Variants in NOSTRIN observed in about 807,000 individuals in gnomAD.
The protein encoded by NOSTRIN is nitric oxide synthase trafficking.
NOSTRIN carries 63 observed loss-of-function variants against 59.0 expected under a neutral mutation model. The observed-to-expected ratio is 1.07, with a 90% CI of 0.87 to 1.32. The LOEUF (loss-of-function observed/expected upper bound fraction) is 1.32, where lower values mean the gene tolerates loss of function less well. Among genes scored for constraint, NOSTRIN ranks in the 40% most tolerant of loss-of-function variants. NOSTRIN has a pLI of 0.00. For synonymous variants in NOSTRIN, 200 were observed against 165.4 expected (o/e 1.21, Z -1.61); for missense variants, 512 against 473.1 (o/e 1.08, Z -0.76).
chr2:168,836,491 C>G (rs1373331650), intron 7 of NOSTRIN, among the ~76,000 whole-genome samples: 1 of 152,154 alleles, frequency 6.6e-6, no homozygotes, highest in African/African-American at 2.4e-5. Context: ...AGCTGAACAC[C>G]CAAGCGGGGG....
At chr2:168,790,666 A>G (rs1289723082) in intron 2 of NOSTRIN, among the ~76,000 whole-genome samples, 4 of 152,246 alleles carry the variant, frequency 2.6e-5, no homozygotes, top group Admixed American at 2.6e-4. Context: ...TCCAGAGTGG[A>G]AACTAAAGAA....
chr2:168,797,909 C>T (rs116331304), upstream of NOSTRIN, among the ~76,000 whole-genome samples: 1,173 of 152,176 alleles, frequency 7.7e-3, 18 homozygotes, highest in African/African-American at 0.026. Context: ...GTTAATAAGT[C>T]ATCCCGCAGT....
chr2:168,802,714 G>A (rs1685658073), intron 1 of NOSTRIN, 41 bp downstream of exon 1: 1 of 861,260 alleles, frequency 1.2e-6, no homozygotes, highest in Admixed American at 1.8e-5. Flanking sequence ...CGTGTGAGGA[G>A]GGTGGAGGGT....
intron 2 of NOSTRIN, among the ~76,000 whole-genome samples, chr2:168,792,733 G>A (rs914256766): frequency 1.3e-5 from 2 of 152,150 alleles, no homozygotes; most frequent in South Asian, 4.2e-4. Flanking sequence ...ACCTGCCTCG[G>A]CCTCCGAAAG....
At chr2:168,838,859 C>T (rs1687894410) in intron 7 of NOSTRIN, among the ~76,000 whole-genome samples, 1 of 148,048 alleles carries the variant, frequency 6.8e-6, no homozygotes, top group Admixed American at 6.8e-5. Flanking sequence ...GCAATCTGGG[C>T]CGACTGCAAC....
intron 14 of NOSTRIN, 23 bp from the exon 15 acceptor site, chr2:168,861,937 A>C: frequency 6.2e-7 from 1 of 1,608,638 alleles, no homozygotes; most frequent in Non-Finnish European, 8.5e-7. Flanking sequence ...ACAGCATACT[A>C]ATTACAGCTT....
intron 7 of NOSTRIN, among the ~76,000 whole-genome samples, chr2:168,841,235 CAAAAAAAAAA>C (rs57480764): frequency 1.5e-4 from 16 of 106,584 alleles, no homozygotes; most frequent in African/African-American, 4.2e-4. Context: ...ACCCTGTCTC[CAAAAAAAAAA>C]AAAAAAAAAA....
chr2:168,795,102 A>G (rs913345157), upstream of NOSTRIN, among the ~76,000 whole-genome samples: 1 of 152,218 alleles, frequency 6.6e-6, no homozygotes, highest in African/African-American at 2.4e-5. Flanking sequence ...CCTGGCAATG[A>G]TTTATAGGAA....
chr2:168,862,039 T>C lies in NOSTRIN; in HGVS notation c.1374T>C (p.Asn458=). The C allele has an allele frequency of 6.2e-7, 1 of 1,614,008 alleles. No individual in the cohort carries two copies. Among genetic ancestry groups the C allele is most frequent in the African/African-American group, 1.3e-5 (1 of 75,052 alleles). ...SFQARQDDEL[N]LEKGDIVIIH... is the part of the protein sequence containing the mutation. Reference sequence around the variant, plus strand: ...AAGCCAGGCAAGATGATGAGTTGAATTTGGAAAAGGGTAAGAATCATTCTC... The same window carrying C: ...AAGCCAGGCAAGATGATGAGTTGAACTTGGAAAAGGGTAAGAATCATTCTC... Residue 458 remains asparagine (N), a synonymous_variant, in exon 15 of 16, where the codon AAT becomes AAC. Transcript: ENST00000317647.
chr2:168,831,600 C>A, intron 6 of NOSTRIN, 66 bp downstream of exon 6: 1 of 794,496 alleles, frequency 1.3e-6, no homozygotes, highest in Non-Finnish European at 2.3e-6. Context: ...TGCTTTCATA[C>A]AAATGCGATG....
chr2:168,821,702 G>A (rs568226043), intron 2 of NOSTRIN, among the ~76,000 whole-genome samples: 2 of 152,340 alleles, frequency 1.3e-5, no homozygotes, highest in East Asian at 3.9e-4. Context: ...AGCTCCTGTT[G>A]GGGATGACAC....
chr2:168,842,693 T>C (rs953372671), intron 7 of NOSTRIN, among the ~76,000 whole-genome samples: 2 of 152,218 alleles, frequency 1.3e-5, no homozygotes, highest in Non-Finnish European at 2.9e-5. Flanking sequence ...AAAGCTGTGT[T>C]GTTTGACCTT....
At position 168,864,699 on chromosome 2, in the gene NOSTRIN, T is replaced by G. The variant is rs187845028; in HGVS notation, c.1385-135T>G. The G allele has an allele frequency of 3.2e-6, 3 of 937,406 alleles. No homozygotes were observed. The Admixed American group carries it at 7.0e-5, about 22-fold the overall frequency. 58.1% of individuals were successfully genotyped at this position (937,406 alleles called of 1,614,324 possible). On this transcript the variant is annotated intron_variant, in intron 15 of 15. Coordinates refer to ENST00000317647, the MANE Select transcript of NOSTRIN (RefSeq NM_001039724.4). ...TACACAGGTGTTCGATACATTTGGCTTCATCTGAATCAAGTGCAGAAAATG... is the reference window on the plus strand; with the variant it reads ...TACACAGGTGTTCGATACATTTGGCGTCATCTGAATCAAGTGCAGAAAATG...
intron 6 of NOSTRIN, among the ~76,000 whole-genome samples, chr2:168,832,092 T>C (rs1574292837): frequency 6.6e-6 from 1 of 152,198 alleles, no homozygotes; most frequent in African/African-American, 2.4e-5. Flanking sequence ...GGTAGTGATA[T>C]GTAAAAGGGG....
chr2:168,794,437 C>T (rs530200902), upstream of NOSTRIN, among the ~76,000 whole-genome samples: 6 of 151,570 alleles, frequency 4.0e-5, no homozygotes, highest in Non-Finnish European at 5.9e-5. Flanking sequence ...CTGCAAGCTC[C>T]GCCTCCCAGG....
At chr2:168,857,691 T>A (rs1689208118) in intron 12 of NOSTRIN, among the ~76,000 whole-genome samples, 1 of 152,120 alleles carries the variant, frequency 6.6e-6, no homozygotes. Flanking sequence ...AGATCATGAG[T>A]GGACTGGGGT....
intron 15 of NOSTRIN, among the ~76,000 whole-genome samples, 164 bp downstream of exon 15, chr2:168,862,213 A>G (rs568219519): frequency 1.3e-5 from 2 of 152,318 alleles, no homozygotes; most frequent in East Asian, 3.9e-4. Flanking sequence ...GCATAATGAT[A>G]ATAGCTAACG....
intron 15 of NOSTRIN, chr2:168,863,625 G>A: frequency 1.0e-6 from 1 of 984,418 alleles, no homozygotes; most frequent in Non-Finnish European, 1.2e-6. Context: ...GTTGTTGAAT[G>A]GGGAGTTACA....
intron 2 of NOSTRIN, among the ~76,000 whole-genome samples, chr2:168,813,191 C>T (rs1397251512): frequency 6.6e-6 from 1 of 152,164 alleles, no homozygotes; most frequent in Non-Finnish European, 1.5e-5. Context: ...ATGAATTCAA[C>T]TCATTACCCA....
Sources: gnomAD v4.1 joint callset for allele counts (sites outside exome capture counted in the v4.1 genomes callset) on GRCh38, gnomAD v4.1.1 for gene constraint, MANE v1.5 for transcripts, NCBI Gene and HGNC (gene_info 2026-07-23, HGNC 2026-07-21) for gene names.